SCAPER: variants seen among roughly 807,000 people sequenced by gnomAD.
The protein encoded by SCAPER is S-phase cyclin A associated protein in the ER.
SCAPER carries 98 observed loss-of-function variants against 182.2 expected under a neutral mutation model. The ratio of observed to expected loss-of-function variants is 0.54; its 90% CI spans 0.46 to 0.64. The LOEUF is 0.64. SCAPER is among the 30% of genes least tolerant of loss of function. The pLI is 0.00. For missense variants in SCAPER, 1,432 were observed against 1,690.0 expected, an observed-to-expected ratio of 0.85 and a Z score of 2.68; for synonymous variants, 605 against 564.6, an observed-to-expected ratio of 1.07 and a Z score of -1.01.
At chr15:76,423,883 TAG>T (rs2046232313) in intron 26 of SCAPER, among the ~76,000 whole-genome samples, 1 of 152,240 alleles carries the variant, frequency 6.6e-6, no homozygotes, top group Non-Finnish European at 1.5e-5. Flanking sequence ...ATTTACCCAG[TAG>T]TCATTCAGGA....
chr15:76,561,350 T>C (rs2046604634), intron 23 of SCAPER, among the ~76,000 whole-genome samples: 1 of 152,192 alleles, frequency 6.6e-6, no homozygotes, highest in African/African-American at 2.4e-5. Context: ...TTACCTATTG[T>C]AATAATTGAC....
intron 10 of SCAPER, among the ~76,000 whole-genome samples, chr15:76,769,482 C>T (rs1384169086): frequency 1.5e-5 from 2 of 136,876 alleles, no homozygotes; most frequent in Non-Finnish European, 3.2e-5. Context: ...AAGAAAAAAA[C>T]AACCCCATCA....
intron 17 of SCAPER, among the ~76,000 whole-genome samples, chr15:76,712,746 T>C (rs2059658750): frequency 6.6e-6 from 1 of 152,030 alleles, no homozygotes; most frequent in Non-Finnish European, 1.5e-5. Context: ...GTTTGTCTGT[T>C]ATTGGTGTAT....
At chr15:76,599,464 TAGAA>T (rs2049757189) in intron 22 of SCAPER, among the ~76,000 whole-genome samples, 2 of 121,378 alleles carry the variant, frequency 1.6e-5, no homozygotes, top group South Asian at 5.0e-4. Flanking sequence ...TTCCAAAAAG[TAGAA>T]AGAGCCCAAG....
chr15:76,624,214 A>T (rs988219174), intron 21 of SCAPER, among the ~76,000 whole-genome samples: 6 of 152,238 alleles, frequency 3.9e-5, no homozygotes, highest in Admixed American at 1.3e-4. Flanking sequence ...ATACAAAATC[A>T]ATGTACAAAA....
intron 23 of SCAPER, among the ~76,000 whole-genome samples, chr15:76,529,521 A>C (rs1287765534): frequency 6.6e-6 from 1 of 152,238 alleles, no homozygotes; most frequent in Non-Finnish European, 1.5e-5. Flanking sequence ...ACAAAGAAAA[A>C]TAGAGAAGGG....
chr15:76,751,001 A>G (rs1477224901), intron 15 of SCAPER, among the ~76,000 whole-genome samples: 1 of 151,572 alleles, frequency 6.6e-6, no homozygotes, highest in Non-Finnish European at 1.5e-5. Context: ...GATTCCACCA[A>G]AAAAAATTGT....
chr15:76,694,779 A>G (rs912809433), intron 20 of SCAPER, among the ~76,000 whole-genome samples: 2 of 152,176 alleles, frequency 1.3e-5, no homozygotes, highest in African/African-American at 4.8e-5. Context: ...AAGAAAAATC[A>G]TAAGATATTT....
chr15:76,375,215 CAA>C (rs35499483), intron 29 of SCAPER, among the ~76,000 whole-genome samples: 84 of 56,910 alleles, frequency 1.5e-3, no homozygotes, highest in African/African-American at 6.6e-3. Context: ...AAGAACTTGT[CAA>C]AAAAAAAAAA....
At chr15:76,662,250 G>A (rs992869315) in intron 21 of SCAPER, among the ~76,000 whole-genome samples, 1 of 152,128 alleles carries the variant, frequency 6.6e-6, no homozygotes, top group African/African-American at 2.4e-5. Flanking sequence ...TAGATGATGG[G>A]TTGATAGTTG....
intron 15 of SCAPER, among the ~76,000 whole-genome samples, chr15:76,753,348 A>G (rs2062210026): frequency 6.6e-6 from 1 of 151,934 alleles, no homozygotes; most frequent in African/African-American, 2.4e-5. Flanking sequence ...AGTAACTGTT[A>G]TGAGGGAAAG....
At chr15:76,891,423 A>G (rs1011370092) in intron 1 of SCAPER, among the ~76,000 whole-genome samples, 1 of 152,312 alleles carries the variant, frequency 6.6e-6, no homozygotes, top group Non-Finnish European at 1.5e-5. Flanking sequence ...AGAAAACCCC[A>G]TCATCCAAGC....
chr15:76,870,854 T>C (rs899050824), intron 2 of SCAPER, among the ~76,000 whole-genome samples: 1 of 152,098 alleles, frequency 6.6e-6, no homozygotes, highest in East Asian at 1.9e-4. Context: ...CACGAATCAA[T>C]AGGCATTATG....
At chr15:76,694,528 A>G (rs898239528) in intron 20 of SCAPER, among the ~76,000 whole-genome samples, 10 of 152,136 alleles carry the variant, frequency 6.6e-5, no homozygotes, top group African/African-American at 1.9e-4. Flanking sequence ...ATACCTCAAT[A>G]AAGTTGGAAA....
chr15:76,699,954 T>TGGTGGGGA (rs2058847456), intron 20 of SCAPER, among the ~76,000 whole-genome samples: 1 of 151,960 alleles, frequency 6.6e-6, no homozygotes, highest in Admixed American at 6.6e-5. Flanking sequence ...TGCCAGAAAG[T>TGGTGGGGA]GGTGGGGAGA....
rs990540810 is a variant in SCAPER, at chr15:76,542,405, C to G, written c.2838+31753G>C. 3.9e-5 allele frequency among the ~76,000 whole-genome samples: 6 copies of G among 151,938 alleles called. 1 individual carries two copies. The East Asian group carries it at 1.2e-3, about 29-fold the overall frequency. On this transcript the variant is annotated intron_variant, in intron 23 of 31. Transcript: ENST00000563290. ...GGATGTGGTGGTGGCCACCTGTAATCCCAGCTACTTGGGAGGCTGAGGCAG... is the reference window on the plus strand; with the variant it reads ...GGATGTGGTGGTGGCCACCTGTAATGCCAGCTACTTGGGAGGCTGAGGCAG...
chr15:76,581,608 A>T lies in SCAPER; in HGVS notation c.2712-7324T>A, dbSNP rs921253038. Reference sequence around the variant, plus strand: ...AAAAAGCATTTATTTTTGTTTGGAGACAGAGTCTCGCTCTGTTGCCCAGGC... The same window carrying T: ...AAAAAGCATTTATTTTTGTTTGGAGTCAGAGTCTCGCTCTGTTGCCCAGGC... On this transcript the variant is annotated intron_variant, in intron 22 of 31. Transcript: ENST00000563290. Among the ~76,000 whole-genome samples the T allele has an allele frequency of 2.0e-5, 3 of 152,190 alleles. No individual in the cohort carries two copies. In the South Asian group the frequency reaches 6.2e-4, roughly 32 times the overall value.
intron 25 of SCAPER, among the ~76,000 whole-genome samples, chr15:76,463,006 T>C (rs771323433): frequency 6.6e-6 from 1 of 152,140 alleles, no homozygotes; most frequent in African/African-American, 2.4e-5. Flanking sequence ...ATTATCCTCA[T>C]CTATAAAACG....
Position 76,526,479 on chromosome 15 carries a change from A to T in SCAPER, c.2839-21505T>A, listed in dbSNP as rs140217670. Reference sequence around the variant, plus strand: ...ATTCTTGAAAATTATCAGGTGTTTTATGTCAAATAGTGCTAATTCTTCTTT... The same window carrying T: ...ATTCTTGAAAATTATCAGGTGTTTTTTGTCAAATAGTGCTAATTCTTCTTT... On this transcript the variant is annotated intron_variant, in intron 23 of 31. Coordinates refer to ENST00000563290, the MANE Select transcript of SCAPER (RefSeq NM_020843.4). Among the ~76,000 whole-genome samples, 77 of 152,240 alleles carry T rather than the reference A, an allele frequency of 5.1e-4. 1 individual carries two copies. Among genetic ancestry groups the T allele is most frequent in the African/African-American group, 1.7e-3 (72 of 41,540 alleles).
Sources: allele counts gnomAD v4.1 joint callset (sites outside exome capture counted in the v4.1 genomes callset), GRCh38; gene constraint gnomAD v4.1.1; transcripts MANE v1.5; gene names NCBI Gene and HGNC (gene_info 2026-07-23, HGNC 2026-07-21).